ABCC11: variants seen among roughly 807,000 people sequenced by gnomAD.
The protein encoded by ABCC11 is ATP-binding cassette sub-family C member 11.
A neutral mutation model predicts 149.3 loss-of-function variants in ABCC11; 135 were observed. That is an observed-to-expected ratio of 0.90 (90% CI 0.79 to 1.04). The LOEUF (loss-of-function observed/expected upper bound fraction) is 1.04, where lower values mean the gene tolerates loss of function less well. Among genes scored for constraint, ABCC11 ranks in the 50% least tolerant of loss-of-function variants. The pLI is 0.00. For missense variants in ABCC11, 1,680 were observed against 1,722.1 expected (o/e 0.98, Z 0.43); for synonymous variants, 665 against 671.4 (o/e 0.99, Z 0.15).
chr16:48,222,907 G>T (rs1969842302), intron 5 of ABCC11, 76 bp from the exon 6 acceptor site: 7 of 1,274,994 alleles, frequency 5.5e-6, no homozygotes, highest in Non-Finnish European at 7.7e-6. Context: ...TGGAAGAAGG[G>T]TTGGGAGGTC....
chr16:48,190,583 C>T (rs1214591307), intron 20 of ABCC11, among the ~76,000 whole-genome samples: 3 of 152,078 alleles, frequency 2.0e-5, no homozygotes, highest in Non-Finnish European at 2.9e-5. Context: ...AGGCTGGTCT[C>T]GAACTCCTGA....
chr16:48,208,627 C>T lies in ABCC11; in HGVS notation c.1609-131G>A, dbSNP rs1035063976. ...CAAAATAACCACACAGAGCCCAAGA[C>T]TCCTCAGACAGGCAAAGCTCAAGAG... On this transcript the variant is annotated intron_variant, in intron 11 of 29. Coordinates refer to ENST00000356608, the MANE Select transcript of ABCC11 (RefSeq NM_001370497.1). The T allele has an allele frequency of 3.2e-6, 3 of 943,884 alleles. No individual in the cohort carries two copies. In the African/African-American group the frequency reaches 4.9e-5, roughly 15 times the overall value. 58.5% of individuals were successfully genotyped at this position (943,884 alleles called of 1,614,324 possible).
intron 1 of ABCC11, chr16:48,244,295 G>A: frequency 1.1e-6 from 1 of 881,378 alleles, no homozygotes; most frequent in Non-Finnish European, 1.6e-6. Flanking sequence ...CGGAGGCGTG[G>A]AGGCGGGTCT....
intron 7 of ABCC11, 141 bp downstream of exon 7, chr16:48,215,973 G>T (rs1052402577): frequency 2.3e-6 from 2 of 884,374 alleles, no homozygotes; most frequent in East Asian, 2.5e-5. Flanking sequence ...ATAGTTTGAA[G>T]TAGGGAGTGG....
At chr16:48,197,749 C>T (rs930262811) in intron 17 of ABCC11, among the ~76,000 whole-genome samples, 2 of 152,154 alleles carry the variant, frequency 1.3e-5, no homozygotes, top group African/African-American at 2.4e-5. Flanking sequence ...CTTAGCTGTG[C>T]CCCCCACAAC....
At chr16:48,205,801 C>A in intron 12 of ABCC11, among the ~76,000 whole-genome samples, 1 of 149,168 alleles carries the variant, frequency 6.7e-6, no homozygotes, top group East Asian at 1.9e-4. Context: ...ACACTCCATA[C>A]GTTTTTTCCT....
Position 48,178,973 on chromosome 16 carries a change from A to G in ABCC11, c.3259-287T>C, listed in dbSNP as rs1966263548. ...CAAGACCTCTGCCCACATCACAGCA[A>G]CCACCTAGCCTGTGCATGAGGACAT... On this transcript the variant is annotated intron_variant, in intron 23 of 29. Transcript: ENST00000356608. 2.0e-5 allele frequency among the ~76,000 whole-genome samples: 3 copies of G among 152,162 alleles called. No individual in the cohort carries two copies. The South Asian group carries it at 6.2e-4, about 32-fold the overall frequency.
intron 19 of ABCC11, 125 bp downstream of exon 19, chr16:48,193,754 C>A (rs531053531): frequency 1.2e-5 from 9 of 748,968 alleles, no homozygotes; most frequent in East Asian, 5.6e-5. Context: ...CTCTGGAACA[C>A]CAGCTCTGGG....
intron 12 of ABCC11, among the ~76,000 whole-genome samples, chr16:48,207,858 CCCCACTG>C (rs71390263): frequency 0.19 from 28,756 of 151,880 alleles, 3,501 homozygotes; most frequent in Non-Finnish European, 0.27. Flanking sequence ...GGCATAGGTA[CCCCACTG>C]CCAGAGTACG....
At chr16:48,176,549 C>T (rs1596666595) in intron 25 of ABCC11, among the ~76,000 whole-genome samples, 1 of 152,112 alleles carries the variant, frequency 6.6e-6, no homozygotes, top group South Asian at 2.1e-4. Context: ...CTGCAATGCC[C>T]CTCCAAAAGT....
rs1969266905 is a variant in ABCC11 at position 48,215,472 on chromosome 16, C to G, written c.952-128G>C. On this transcript the variant is annotated intron_variant, in intron 7 of 29. Transcript: ENST00000356608. The stretch of plus-strand genomic sequence containing the variant: ...CCAAAGAGAGGTTTTCCAATCAAAG[C>G]TCTCCAGGCCACTATGCCTTAGAGC... The G allele has an allele frequency of 1.5e-5, 17 of 1,111,002 alleles. No individual in the cohort carries two copies. The South Asian group carries it at 2.8e-4, about 18-fold the overall frequency. 68.8% of individuals were successfully genotyped at this position (1,111,002 alleles called of 1,614,324 possible). A position where few individuals can be genotyped will look rare whatever the true frequency, so the allele number is the denominator to read the frequency against.
intron 1 of ABCC11, among the ~76,000 whole-genome samples, chr16:48,242,316 C>T (rs906835829): frequency 2.0e-5 from 3 of 152,158 alleles, no homozygotes; most frequent in African/African-American, 7.2e-5. Flanking sequence ...CAGTGGCCAT[C>T]AGAGAAATGC....
chr16:48,190,470 C>T (rs115645777), intron 20 of ABCC11, among the ~76,000 whole-genome samples: 2,668 of 152,164 alleles, frequency 0.018, 95 homozygotes, highest in African/African-American at 0.062. Flanking sequence ...AAGCGATCCT[C>T]CTTGATCCTC....
At chr16:48,214,118 ATC>A (rs1969145353) in intron 9 of ABCC11, among the ~76,000 whole-genome samples, 1 of 151,768 alleles carries the variant, frequency 6.6e-6, no homozygotes, top group Non-Finnish European at 1.5e-5. Context: ...ATCCATACCC[ATC>A]TCTCCTTCTT....
At position 48,187,629 on chromosome 16, in the gene ABCC11, C is replaced by T. The variant is rs915763301; in HGVS notation, c.2707-202G>A. Among the ~76,000 whole-genome samples the T allele has an allele frequency of 3.9e-5, 6 of 152,142 alleles. No individual in the cohort carries two copies. In the South Asian group the frequency reaches 1.2e-3, roughly 31 times the overall value. On this transcript the variant is annotated intron_variant, in intron 20 of 29. Coordinates refer to ENST00000356608, the MANE Select transcript of ABCC11 (RefSeq NM_001370497.1). Reference sequence around the variant, plus strand: ...CCACCTACTGCTGTCTGACCTCGGGCAAGTACTGAGTTCCTCTGAGTCTCA... The same window carrying T: ...CCACCTACTGCTGTCTGACCTCGGGTAAGTACTGAGTTCCTCTGAGTCTCA...
chr16:48,246,008 G>A (rs1198639049), intron 1 of ABCC11, among the ~76,000 whole-genome samples: 1 of 152,014 alleles, frequency 6.6e-6, no homozygotes, highest in African/African-American at 2.4e-5. Flanking sequence ...GATTTCCGGA[G>A]GGTTGGACAT....
chr16:48,243,326 C>T (rs1971100865), intron 1 of ABCC11, among the ~76,000 whole-genome samples: 1 of 147,230 alleles, frequency 6.8e-6, no homozygotes, highest in African/African-American at 2.5e-5. Context: ...GGCATGAACC[C>T]GGGAGGCGGA....
At chr16:48,192,775 G>A (rs1967043336) in intron 19 of ABCC11, 58 bp from the exon 20 acceptor site, 1 of 1,560,154 alleles carries the variant, frequency 6.4e-7, no homozygotes, top group Non-Finnish European at 8.8e-7. Context: ...CAGTGGCAGG[G>A]AAAGCCTTCT....
In ABCC11 at chr16:48,167,080, T is replaced by C. The variant is rs1965373527; in HGVS notation, c.*194A>G. On this transcript the variant is annotated 3_prime_UTR_variant, in exon 30 of 30. Transcript: ENST00000356608. ...CATGTCTTAGATGGTTCTGGGGTTC[T>C]AAGGTCTTGAGAGCCATCAAGTAGC... 18 of 591,370 alleles carry C rather than the reference T, an allele frequency of 3.0e-5. No individual in the cohort carries two copies. In the South Asian group the frequency reaches 3.2e-4, roughly 10 times the overall value. The allele number at this position is 591,370 out of a possible 1,614,324, so 36.6% of individuals were successfully genotyped here.
Sources: allele counts gnomAD v4.1 joint callset (sites outside exome capture counted in the v4.1 genomes callset), GRCh38; gene constraint gnomAD v4.1.1; transcripts MANE v1.5; gene names NCBI Gene and HGNC (gene_info 2026-07-23, HGNC 2026-07-21).